LECT2: variants seen among roughly 807,000 people sequenced by gnomAD.
LECT2 encodes the protein leukocyte cell derived chemotaxin 2, also known as leukocyte cell-derived chemotaxin-2.
In LECT2, 11 loss-of-function variants were observed where a neutral mutation model predicts 16.6. That is an observed-to-expected ratio of 0.66 (90% CI 0.42 to 1.09). The LOEUF is 1.09. Among genes scored for constraint, LECT2 ranks in the 50% least tolerant of loss-of-function variants. The pLI, the probability that LECT2 is intolerant of heterozygous loss-of-function variation, is 0.00. For missense variants in LECT2, 173 were observed against 184.2 expected (o/e 0.94, Z 0.35); for synonymous variants, 54 against 64.8 (o/e 0.83, Z 0.80).
intron 3 of LECT2, chr5:135,950,965 G>A: frequency 7.8e-6 from 4 of 514,260 alleles, no homozygotes; most frequent in Admixed American, 6.7e-5. Context: ...TATTACCTGG[G>A]TGACAAAATA....
intron 1 of LECT2, among the ~76,000 whole-genome samples, chr5:135,953,332 G>A (rs1352378474): frequency 6.6e-6 from 1 of 152,030 alleles, no homozygotes; most frequent in Non-Finnish European, 1.5e-5. Flanking sequence ...CGCCTGAGTA[G>A]CTGGGACTAC....
chr5:135,952,752 T>A (rs1763812895), intron 2 of LECT2, 119 bp downstream of exon 2: 1 of 659,384 alleles, frequency 1.5e-6, no homozygotes, highest in East Asian at 2.6e-5. Flanking sequence ...ACTGGTTACA[T>A]CTCTGGTTTT....
rs1260959377 is a variant in LECT2, at chr5:135,950,369, A to G, written c.289+854T>C. Among the ~76,000 whole-genome samples, 6 of 152,234 alleles carry G rather than the reference A, an allele frequency of 3.9e-5. No homozygotes were observed. The South Asian group carries it at 6.2e-4, about 16-fold the overall frequency. On this transcript the variant is annotated intron_variant, in intron 3 of 3. Transcript: ENST00000274507. ...GTGCATGCTGTTTAATTCTATTTAT[A>G]CCATTTTTAGAAACAGGAAGAACTA...
At chr5:135,949,987 A>G (rs1469110558) in intron 3 of LECT2, among the ~76,000 whole-genome samples, 1 of 152,210 alleles carries the variant, frequency 6.6e-6, no homozygotes, top group Non-Finnish European at 1.5e-5. Flanking sequence ...CAGAGGACAC[A>G]GTTCAATGGC....
intron 2 of LECT2, 118 bp from the exon 3 acceptor site, chr5:135,951,486 A>T: frequency 1.0e-6 from 1 of 966,712 alleles, no homozygotes; most frequent in Non-Finnish European, 1.5e-6. Context: ...AAGCTGCCAG[A>T]ACATGTTGGG....
At chr5:135,951,457 G>T in intron 2 of LECT2, 89 bp from the exon 3 acceptor site, 1 of 1,257,018 alleles carries the variant, frequency 8.0e-7, no homozygotes, top group Non-Finnish European at 1.1e-6. Context: ...ACTGTTTGCA[G>T]ACGAGGTACC....
chr5:135,951,646 A>G, intron 2 of LECT2: 3 of 325,766 alleles, frequency 9.2e-6, no homozygotes, highest in Non-Finnish European at 1.7e-5. Flanking sequence ...ATTTTATGGC[A>G]TGTTGGGGGA....
At chr5:135,951,543 C>T (rs937028702) in intron 2 of LECT2, 175 bp from the exon 3 acceptor site, 2 of 530,844 alleles carry the variant, frequency 3.8e-6, no homozygotes, top group Non-Finnish European at 6.6e-6. Context: ...TAACCTCCCT[C>T]CCCGCAGGTG....
At chr5:135,953,547 C>G (rs1437714726) in intron 1 of LECT2, among the ~76,000 whole-genome samples, 5 of 152,190 alleles carry the variant, frequency 3.3e-5, no homozygotes, top group Non-Finnish European at 7.3e-5. Context: ...TACTTTGCTT[C>G]AGATCCATTA....
chr5:135,952,727 A>G, intron 2 of LECT2, 144 bp downstream of exon 2: 1 of 603,314 alleles, frequency 1.7e-6, no homozygotes, highest in Non-Finnish European at 3.0e-6. Flanking sequence ...AAGCTGCTCC[A>G]AAGACAGTGA....
Position 135,951,324 on chromosome 5 carries a change from C to T in LECT2, c.188G>A (p.Gly63Glu), listed in dbSNP as rs149560293. 0.016 allele frequency: 26,182 copies of T among 1,613,818 alleles called. 248 individuals carry two copies. The highest frequency in any genetic ancestry group is 0.025 in the Middle Eastern group (150 of 6,062). ...AGTGAATGGTGCGTACACAGTAGAT[C>T]CAGCAGAGCACAAGATGTCCACACC... ...HQGVDILCSA[G>E]STVYAPFTGM... The change falls in exon 3 of 4, where the codon GGA becomes GAA. Residue 63 changes from glycine to glutamate, a missense_variant. Transcript: ENST00000274507.
chr5:135,952,599 G>C (rs368426072), intron 2 of LECT2, among the ~76,000 whole-genome samples: 1 of 151,952 alleles, frequency 6.6e-6, no homozygotes, highest in African/African-American at 2.4e-5. Flanking sequence ...AAAAACAGTT[G>C]AGATAAGTGA....
intron 3 of LECT2, 109 bp from the exon 4 acceptor site, chr5:135,947,606 C>T: frequency 6.6e-6 from 8 of 1,203,644 alleles, no homozygotes; most frequent in Non-Finnish European, 8.9e-6. Context: ...TGAATGAACT[C>T]AGGAGAGGAA....
At position 135,947,307 on chromosome 5, in the gene LECT2, A is replaced by G. The variant is rs746881484; in HGVS notation, c.*24T>C. On this transcript the variant is annotated 3_prime_UTR_variant, in exon 4 of 4. Transcript: ENST00000274507. ...GTTTTTAAGATGACTTTTTATTTTG[A>G]AGATCTGACCATTGGCCTTCGATTT... 15 of 1,600,230 alleles carry G rather than the reference A, an allele frequency of 9.4e-6. No individual in the cohort carries two copies. Among genetic ancestry groups the G allele is most frequent in the Non-Finnish European group, 1.3e-5 (15 of 1,171,304 alleles).
intron 3 of LECT2, among the ~76,000 whole-genome samples, chr5:135,948,795 C>T (rs1763742015): frequency 6.6e-6 from 1 of 151,890 alleles, no homozygotes; most frequent in South Asian, 2.1e-4. Flanking sequence ...CTGCCTCAGC[C>T]TCCTGAGTAG....
Position 135,954,805 on chromosome 5 carries a change from GC to G in LECT2, c.28del (p.Ala10LeufsTer3), listed in dbSNP as rs907500175. ...CGACTTACCGGTAGAAATCAGACCA[GC>G]CAAAAGGAGGGCTTTGGTGGAAAAC... MFSTKALLLAGLISTALAGP... is the reference protein window; with the variant it reads MFSTKALLLXGLISTALAGP... On this transcript the variant is annotated frameshift_variant, in exon 1 of 4. Transcript: ENST00000274507. LOFTEE classifies it high-confidence loss of function. The G allele has an allele frequency of 6.2e-7, 1 of 1,612,962 alleles. No individual in the cohort carries two copies. Among genetic ancestry groups the G allele is most frequent in the African/African-American group, 1.3e-5 (1 of 74,902 alleles).
intron 1 of LECT2, 33 bp from the exon 2 acceptor site, chr5:135,953,000 G>T: frequency 6.9e-7 from 1 of 1,442,368 alleles, no homozygotes; most frequent in Non-Finnish European, 9.8e-7. Flanking sequence ...CAGAGCTCCT[G>T]GCCTCAGACA....
At chr5:135,953,562 A>G (rs1039320281) in intron 1 of LECT2, among the ~76,000 whole-genome samples, 2 of 152,204 alleles carry the variant, frequency 1.3e-5, no homozygotes, top group East Asian at 3.8e-4. Flanking sequence ...CCATTAGTAA[A>G]TGGTATAAGT....
chr5:135,951,455 C>A, intron 2 of LECT2, 87 bp from the exon 3 acceptor site: 1 of 1,268,024 alleles, frequency 7.9e-7, no homozygotes. Flanking sequence ...CCACTGTTTG[C>A]AGACGAGGTA....
Sources: allele counts gnomAD v4.1 joint callset (sites outside exome capture counted in the v4.1 genomes callset), GRCh38; gene constraint gnomAD v4.1.1; transcripts MANE v1.5; gene names NCBI Gene and HGNC (gene_info 2026-07-23, HGNC 2026-07-21).